SPAG16: variants seen among roughly 807,000 people sequenced by gnomAD.
SPAG16 encodes sperm-associated antigen 16 protein.
SPAG16 carries 86 observed loss-of-function variants against 80.4 expected under a neutral mutation model. The observed-to-expected ratio is 1.07, with a 90% CI of 0.90 to 1.28. The LOEUF (loss-of-function observed/expected upper bound fraction) is 1.28, where lower values mean the gene tolerates loss of function less well. SPAG16 is among the 50% of genes most tolerant of loss of function. The pLI is 0.00. For missense variants in SPAG16, 870 were observed against 765.3 expected (o/e 1.14, Z -1.61); for synonymous variants, 294 against 265.9 (o/e 1.11, Z -1.03).
chr2:213,851,726 T>C (rs1896277), intron 10 of SPAG16, among the ~76,000 whole-genome samples: 92,275 of 152,008 alleles, frequency 0.61, 29,377 homozygotes, highest in South Asian at 0.85. Flanking sequence ...ATATACAATA[T>C]GTATAAGGTT....
intron 10 of SPAG16, among the ~76,000 whole-genome samples, chr2:213,818,767 G>A (rs1376654158): frequency 6.6e-6 from 1 of 152,126 alleles, no homozygotes; most frequent in Non-Finnish European, 1.5e-5. Context: ...TTTTCCTGCT[G>A]CCATTCTCGT....
At chr2:213,901,422 AT>A (rs2077215863) in intron 11 of SPAG16, among the ~76,000 whole-genome samples, 1 of 152,176 alleles carries the variant, frequency 6.6e-6, no homozygotes, top group Non-Finnish European at 1.5e-5. Flanking sequence ...TTTAAAACCT[AT>A]TGAGCAATAG....
At chr2:213,614,457 C>A (rs747813352) in intron 10 of SPAG16, among the ~76,000 whole-genome samples, 1 of 152,134 alleles carries the variant, frequency 6.6e-6, no homozygotes, top group African/African-American at 2.4e-5. Context: ...ACTTTAAATT[C>A]TTTTTAAACC....
chr2:213,873,128 G>T (rs2076014231), intron 11 of SPAG16, among the ~76,000 whole-genome samples: 1 of 151,528 alleles, frequency 6.6e-6, no homozygotes, highest in African/African-American at 2.4e-5. Context: ...AATTTGTGAA[G>T]TAGTAGTGTT....
chr2:213,310,302 T>C, intron 4 of SPAG16, 125 bp downstream of exon 4: 1 of 520,146 alleles, frequency 1.9e-6, no homozygotes, highest in Non-Finnish European at 3.4e-6. Flanking sequence ...TTTTCCCATC[T>C]CCAGCCCTGA....
rs113592946 is a variant in SPAG16 at position 213,906,033 on chromosome 2, G to T, written c.1215-23927G>T. On this transcript the variant is annotated intron_variant, in intron 11 of 15. Coordinates refer to ENST00000331683, the MANE Select transcript of SPAG16 (RefSeq NM_024532.5). ...TGTCTTGAAATATCTTAGCACCTAC[G>T]CTAAATTCCAAATATCTTACCAGCA... Among the ~76,000 whole-genome samples, 290 of 152,158 alleles carry T rather than the reference G, an allele frequency of 1.9e-3. 1 individual carries two copies. The highest frequency in any genetic ancestry group is 6.6e-3 in the African/African-American group (273 of 41,528).
At chr2:214,083,574 A>T (rs900823406) in intron 13 of SPAG16, among the ~76,000 whole-genome samples, 10 of 152,192 alleles carry the variant, frequency 6.6e-5, no homozygotes, top group South Asian at 6.2e-4. Context: ...TTATGAGAGG[A>T]AGAACCTCAA....
rs186280606 is a variant in SPAG16, at chr2:213,866,284, A to T, written c.1214+3656A>T. ...TAAACCTAACGGATACAGTACTCAC[A>T]TGGTAACAGAGACCCATTTCACTAT... On this transcript the variant is annotated intron_variant, in intron 11 of 15. Transcript: ENST00000331683. Among the ~76,000 whole-genome samples the T allele has an allele frequency of 8.5e-5, 13 of 152,226 alleles. 1 individual carries two copies. Among genetic ancestry groups the T allele is most frequent in the Non-Finnish European group, 1.8e-4 (12 of 67,944 alleles).
At chr2:213,788,871 G>GTAA (rs199697710) in intron 10 of SPAG16, among the ~76,000 whole-genome samples, 1 of 20,232 alleles carries the variant, frequency 4.9e-5, no homozygotes, top group Non-Finnish European at 2.3e-3. Flanking sequence ...GTCTTTATGA[G>GTAA]TGATTCTCAA....
At chr2:213,905,536 A>G (rs1016677091) in intron 11 of SPAG16, among the ~76,000 whole-genome samples, 1 of 152,236 alleles carries the variant, frequency 6.6e-6, no homozygotes, top group Non-Finnish European at 1.5e-5. Context: ...ATTGTGTTTC[A>G]TTCATCAAAT....
intron 7 of SPAG16, among the ~76,000 whole-genome samples, chr2:213,361,131 A>T (rs1414097955): frequency 6.6e-6 from 1 of 152,122 alleles, no homozygotes; most frequent in Non-Finnish European, 1.5e-5. Flanking sequence ...ACATGTTTTC[A>T]AATTTCTTTA....
chr2:213,943,787 G>A (rs1406490533), intron 12 of SPAG16, among the ~76,000 whole-genome samples: 1 of 152,166 alleles, frequency 6.6e-6, no homozygotes, highest in Admixed American at 6.5e-5. Context: ...GGGAACACAA[G>A]GGGTGTGGCC....
At chr2:213,468,139 T>A (rs1049701180) in intron 9 of SPAG16, among the ~76,000 whole-genome samples, 3 of 151,974 alleles carry the variant, frequency 2.0e-5, no homozygotes, top group Non-Finnish European at 4.4e-5. Flanking sequence ...CTCAAATGAA[T>A]TAGGGGATAG....
chr2:213,806,384 A>G (rs2071771195), intron 10 of SPAG16, among the ~76,000 whole-genome samples: 1 of 152,188 alleles, frequency 6.6e-6, no homozygotes, highest in Non-Finnish European at 1.5e-5. Context: ...GTTTTACATT[A>G]TTAGATTAAA....
At chr2:214,271,625 C>T (rs899130018) in intron 15 of SPAG16, among the ~76,000 whole-genome samples, 2 of 152,028 alleles carry the variant, frequency 1.3e-5, no homozygotes, top group Non-Finnish European at 2.9e-5. Flanking sequence ...ACATGGAAAA[C>T]CCTGTCTCTA....
intron 10 of SPAG16, among the ~76,000 whole-genome samples, chr2:213,539,389 G>C (rs2076354016): frequency 6.6e-6 from 1 of 152,140 alleles, no homozygotes; most frequent in African/African-American, 2.4e-5. Flanking sequence ...ATTAAACATA[G>C]CTAAGTTCAA....
intron 11 of SPAG16, among the ~76,000 whole-genome samples, chr2:213,893,824 A>G (rs888657000): frequency 1.3e-4 from 20 of 152,142 alleles, no homozygotes; most frequent in African/African-American, 4.8e-4. Context: ...AAAGAATACA[A>G]CAAGAAAGAA....
chr2:213,874,364 T>C (rs1417782444), intron 11 of SPAG16, among the ~76,000 whole-genome samples: 1 of 152,206 alleles, frequency 6.6e-6, no homozygotes, highest in Non-Finnish European at 1.5e-5. Flanking sequence ...ACTGTACAGC[T>C]GTACAAAAAT....
intron 11 of SPAG16, among the ~76,000 whole-genome samples, chr2:213,923,550 G>C (rs1380668615): frequency 6.6e-6 from 1 of 152,194 alleles, no homozygotes; most frequent in Non-Finnish European, 1.5e-5. Flanking sequence ...CTCTGAAGCA[G>C]GACCACTGAG....
Sources: gnomAD v4.1 joint callset for allele counts (sites outside exome capture counted in the v4.1 genomes callset) on GRCh38, gnomAD v4.1.1 for gene constraint, MANE v1.5 for transcripts, NCBI Gene and HGNC (gene_info 2026-07-23, HGNC 2026-07-21) for gene names.